Variants in PDE8B observed in about 807,000 individuals in gnomAD.
The protein encoded by PDE8B is high affinity cAMP-specific and IBMX-insensitive 3',5'-cyclic phosphodiesterase 8B.
PDE8B carries 26 observed loss-of-function variants against 101.3 expected under a neutral mutation model. That is an observed-to-expected ratio of 0.26 (90% CI 0.19 to 0.36). PDE8B has a LOEUF of 0.36. Among genes scored for constraint, PDE8B ranks in the 10% least tolerant of loss-of-function variants. The pLI, the probability that PDE8B is intolerant of heterozygous loss-of-function variation, is 1.00. For missense variants in PDE8B, 810 were observed against 1,163.1 expected (o/e 0.70, Z 4.42); for synonymous variants, 424 against 429.3 (o/e 0.99, Z 0.15).
intron 1 of PDE8B, among the ~76,000 whole-genome samples, chr5:77,255,008 T>C (rs973224595): frequency 1.3e-5 from 2 of 152,254 alleles, no homozygotes; most frequent in African/African-American, 4.8e-5. Flanking sequence ...TTTCTTTTCC[T>C]CCTTTCACCA....
At chr5:77,328,960 C>G (rs373692136) in intron 3 of PDE8B, 38 bp from the exon 4 acceptor site, 2 of 1,547,654 alleles carry the variant, frequency 1.3e-6, no homozygotes, top group African/African-American at 1.4e-5. Flanking sequence ...TAACAAAGCC[C>G]AGATCACCTT....
At chr5:77,155,263 G>A in the PDE8B span, among the ~76,000 whole-genome samples, 1 of 152,160 alleles carries the variant, frequency 6.6e-6, no homozygotes, top group Non-Finnish European at 1.5e-5. Flanking sequence ...TTTTAACACT[G>A]CAACTACTTT....
chr5:77,185,027 G>A, the PDE8B span, among the ~76,000 whole-genome samples: 12 of 152,086 alleles, frequency 7.9e-5, no homozygotes, highest in African/African-American at 2.7e-4. Flanking sequence ...TGGCAGGGGA[G>A]GAAACAGAGA....
At chr5:77,126,639 G>A in the PDE8B span, among the ~76,000 whole-genome samples, 1 of 152,092 alleles carries the variant, frequency 6.6e-6, no homozygotes, top group Non-Finnish European at 1.5e-5. Flanking sequence ...AGGTGGTATT[G>A]AACTCCTGAG....
intron 14 of PDE8B, among the ~76,000 whole-genome samples, chr5:77,409,602 A>G (rs961529844): frequency 2.0e-5 from 3 of 152,144 alleles, no homozygotes; most frequent in African/African-American, 4.8e-5. Context: ...CCACATTCCA[A>G]AAAGAACCAT....
the PDE8B span, among the ~76,000 whole-genome samples, chr5:77,109,927 GTTTTTTT>G: frequency 7.1e-4 from 48 of 67,258 alleles, no homozygotes; most frequent in Middle Eastern, 0.025. Flanking sequence ...TTGTATTTCA[GTTTTTTT>G]TTTTTTTTTT....
At chr5:77,251,992 C>T (rs146275291) in intron 1 of PDE8B, among the ~76,000 whole-genome samples, 1 of 152,314 alleles carries the variant, frequency 6.6e-6, no homozygotes, top group Admixed American at 6.5e-5. Flanking sequence ...TATTCGAAGG[C>T]AGCCTCTATT....
At chr5:77,350,514 TC>T (rs1425020031) in intron 8 of PDE8B, among the ~76,000 whole-genome samples, 1 of 151,956 alleles carries the variant, frequency 6.6e-6, no homozygotes, top group Non-Finnish European at 1.5e-5. Context: ...ACCAATACTC[TC>T]CCCTTGGCCT....
At chr5:77,232,983 T>C (rs1370728626) in intron 1 of PDE8B, among the ~76,000 whole-genome samples, 1 of 152,204 alleles carries the variant, frequency 6.6e-6, no homozygotes, top group African/African-American at 2.4e-5. Flanking sequence ...TATTGTGTGA[T>C]TCATGTTGGT....
chr5:77,258,919 G>C (rs959264573), intron 1 of PDE8B, among the ~76,000 whole-genome samples: 5 of 151,804 alleles, frequency 3.3e-5, no homozygotes, highest in Non-Finnish European at 7.4e-5. Flanking sequence ...GGCAGTGAGA[G>C]GCAAAAAGGG....
At chr5:77,333,125 T>C (rs576967300) in intron 5 of PDE8B, among the ~76,000 whole-genome samples, 28 of 152,292 alleles carry the variant, frequency 1.8e-4, no homozygotes, top group African/African-American at 6.7e-4. Flanking sequence ...TGGCTCACGA[T>C]GCGTGATAGA....
At chr5:77,406,869 G>C (rs1793570213) in intron 12 of PDE8B, among the ~76,000 whole-genome samples, 1 of 152,232 alleles carries the variant, frequency 6.6e-6, no homozygotes, top group South Asian at 2.1e-4. Flanking sequence ...GGAGTTAAGA[G>C]CCTAAAGGCA....
chr5:77,290,503 C>T (rs943909776), intron 1 of PDE8B: 5 of 1,468,108 alleles, frequency 3.4e-6, no homozygotes, highest in East Asian at 2.3e-5. Context: ...GATATTCCTG[C>T]TCCAAAACGA....
the PDE8B span, among the ~76,000 whole-genome samples, chr5:77,096,249 A>G: frequency 6.6e-6 from 1 of 152,180 alleles, no homozygotes; most frequent in African/African-American, 2.4e-5. Context: ...TCAGCCTCCC[A>G]AAGTGTTGGG....
At chr5:77,381,496 T>C (rs1787444656) in intron 10 of PDE8B, among the ~76,000 whole-genome samples, 1 of 152,238 alleles carries the variant, frequency 6.6e-6, no homozygotes, top group Non-Finnish European at 1.5e-5. Context: ...ACGGTGATTC[T>C]GAAATGGGTG....
chr5:77,190,907 C>T, the PDE8B span, among the ~76,000 whole-genome samples: 2 of 152,186 alleles, frequency 1.3e-5, no homozygotes, highest in South Asian at 2.1e-4. Context: ...GTATATCAGT[C>T]GGCTTCAGCT....
At chr5:77,333,468 T>C (rs745674739) in intron 5 of PDE8B, among the ~76,000 whole-genome samples, 2 of 152,172 alleles carry the variant, frequency 1.3e-5, no homozygotes, top group Non-Finnish European at 2.9e-5. Context: ...CAAGTTTGAG[T>C]TGGGACCTCA....
At chr5:77,235,699 A>G (rs1228415660) in intron 1 of PDE8B, among the ~76,000 whole-genome samples, 2 of 151,778 alleles carry the variant, frequency 1.3e-5, no homozygotes, top group Non-Finnish European at 2.9e-5. Flanking sequence ...TATTTTCTTC[A>G]TATCCTTCTC....
the PDE8B span, among the ~76,000 whole-genome samples, chr5:77,107,072 C>T: frequency 1.3e-5 from 2 of 152,042 alleles, no homozygotes. Context: ...CTACGACAGG[C>T]CCCAGTGTGT....
Sources: gnomAD v4.1 joint callset for allele counts (sites outside exome capture counted in the v4.1 genomes callset) on GRCh38, gnomAD v4.1.1 for gene constraint, MANE v1.5 for transcripts, NCBI Gene and HGNC (gene_info 2026-07-23, HGNC 2026-07-21) for gene names.